The following PLXNC1 variants were observed in gnomAD, a reference collection of about 807,000 sequenced individuals.
PLXNC1 encodes plexin C1.
In PLXNC1, 75 loss-of-function variants were observed where a neutral mutation model predicts 178.2. That is an observed-to-expected ratio of 0.42 (90% CI 0.35 to 0.51). PLXNC1 has a LOEUF of 0.51. Ranked by LOEUF, PLXNC1 falls within the 20% of genes least tolerant of loss-of-function variation. The pLI is 0.02. For synonymous variants in PLXNC1, 790 were observed against 779.9 expected (o/e 1.01, Z -0.22); for missense variants, 1,503 against 1,984.4 (o/e 0.76, Z 4.61).
intron 2 of PLXNC1, among the ~76,000 whole-genome samples, chr12:94,177,513 A>AAG (rs972696544): frequency 5.4e-5 from 7 of 129,412 alleles, no homozygotes; most frequent in Non-Finnish European, 1.2e-4. Context: ...CAAAGAAAGA[A>AAG]AGAGAGAGAG....
At chr12:94,250,750 G>A (rs1418265965) in intron 14 of PLXNC1, among the ~76,000 whole-genome samples, 2 of 152,150 alleles carry the variant, frequency 1.3e-5, no homozygotes, top group Non-Finnish European at 2.9e-5. Flanking sequence ...CAGGTACAGT[G>A]GCTCACACCT....
chr12:94,194,220 G>T lies in PLXNC1; in HGVS notation c.1439+7747G>T, dbSNP rs148481544. 5.9e-5 allele frequency among the ~76,000 whole-genome samples: 9 copies of T among 152,198 alleles called. 1 individual carries two copies. The highest frequency in any genetic ancestry group is 2.2e-4 in the African/African-American group (9 of 41,528). ...TCACGAAAACAGCACTGAGGAAATG[G>T]TGCTAAACCATTCATGAAGGACCCA... On this transcript the variant is annotated intron_variant, in intron 4 of 30. Transcript: ENST00000258526.
chr12:94,206,942 C>T (rs375967395), intron 4 of PLXNC1, among the ~76,000 whole-genome samples: 2 of 152,092 alleles, frequency 1.3e-5, no homozygotes, highest in East Asian at 1.9e-4. Flanking sequence ...CTTGTTGATA[C>T]GCAGGAATTA....
rs1006545544 is a variant in PLXNC1 at position 94,161,333 on chromosome 12, AGGTGGATGAGTGGATGGGTG to A, written c.1063-7796_1063-7777del. Among the ~76,000 whole-genome samples, 6 of 152,094 alleles carry A rather than the reference AGGTGGATGAGTGGATGGGTG, an allele frequency of 3.9e-5. No individual in the cohort carries two copies. The East Asian group carries it at 9.6e-4, about 24-fold the overall frequency. ...CAACAGCAAGTGCTCCATAAATAAT[AGGTGGATGAGTGGATGGGTG>A]GGTGGATGAGTGGATGGGTGGGTAG... On this transcript the variant is annotated intron_variant, in intron 1 of 30. Transcript: ENST00000258526.
intron 18 of PLXNC1, 99 bp from the exon 19 acceptor site, chr12:94,259,511 A>G: frequency 8.6e-7 from 1 of 1,157,168 alleles, no homozygotes; most frequent in Non-Finnish European, 1.2e-6. Flanking sequence ...TCAATATTGA[A>G]TAATTCATTG....
At chr12:94,177,071 GTGTGTGTATA>G (rs1962078741) in intron 2 of PLXNC1, among the ~76,000 whole-genome samples, 1 of 141,458 alleles carries the variant, frequency 7.1e-6, no homozygotes. Flanking sequence ...GTGTGTGTGT[GTGTGTGTATA>G]TATATATGTG....
chr12:94,275,604 A>G (rs1174539826), intron 21 of PLXNC1, among the ~76,000 whole-genome samples: 1 of 86,186 alleles, frequency 1.2e-5, no homozygotes, highest in Non-Finnish European at 2.4e-5. Flanking sequence ...CTGTAATCCC[A>G]GCACTTTGGG....
At chr12:94,179,117 C>A (rs139409943) in intron 2 of PLXNC1, among the ~76,000 whole-genome samples, 1 of 152,150 alleles carries the variant, frequency 6.6e-6, no homozygotes, top group Non-Finnish European at 1.5e-5. Context: ...GAAGTGAATG[C>A]GGGAAGTTGC....
Position 94,204,665 on chromosome 12 carries a change from G to C in PLXNC1, c.1440-4925G>C, listed in dbSNP as rs78150457. ...TAGACTTTGGTTTCCTCATCTCATGGACTGGCAATTGTAAAGAAAGTCCCC... is the reference window on the plus strand; with the variant it reads ...TAGACTTTGGTTTCCTCATCTCATGCACTGGCAATTGTAAAGAAAGTCCCC... On this transcript the variant is annotated intron_variant, in intron 4 of 30. Coordinates refer to ENST00000258526, the MANE Select transcript of PLXNC1 (RefSeq NM_005761.3). Among the ~76,000 whole-genome samples, 622 of 152,252 alleles carry C rather than the reference G, an allele frequency of 4.1e-3. 5 individuals are homozygous for C. Among genetic ancestry groups the C allele is most frequent in the African/African-American group, 0.014 (583 of 41,536 alleles).
chr12:94,150,483 A>G (rs957756890), intron 1 of PLXNC1, among the ~76,000 whole-genome samples: 1 of 152,184 alleles, frequency 6.6e-6, no homozygotes, highest in African/African-American at 2.4e-5. Flanking sequence ...CTCGGCAGAG[A>G]AGCCATTGAA....
chr12:94,224,864 G>A (rs984597312), intron 7 of PLXNC1, among the ~76,000 whole-genome samples: 3 of 152,136 alleles, frequency 2.0e-5, no homozygotes, highest in Admixed American at 6.5e-5. Context: ...CCGGGATGGC[G>A]CCCCGCATTC....
intron 6 of PLXNC1, among the ~76,000 whole-genome samples, chr12:94,220,702 AG>A (rs758643649): frequency 8.5e-5 from 13 of 152,244 alleles, no homozygotes; most frequent in Non-Finnish European, 1.8e-4. Flanking sequence ...GTGTAAATAC[AG>A]GGAACATAGA....
chr12:94,273,393 T>C (rs888693450), intron 21 of PLXNC1, among the ~76,000 whole-genome samples: 1 of 152,102 alleles, frequency 6.6e-6, no homozygotes, highest in African/African-American at 2.4e-5. Context: ...GAGTGAGTGA[T>C]TGAAGCTTCC....
chr12:94,165,705 A>C (rs61927397), intron 1 of PLXNC1, among the ~76,000 whole-genome samples: 18,417 of 152,008 alleles, frequency 0.12, 1,327 homozygotes, highest in Admixed American at 0.14. Flanking sequence ...AACTTAGTAA[A>C]ATGTTTAAAA....
intron 4 of PLXNC1, 86 bp downstream of exon 4, chr12:94,186,559 A>G: frequency 1.2e-6 from 1 of 817,584 alleles, no homozygotes; most frequent in East Asian, 2.6e-5. Flanking sequence ...TTAACGATCC[A>G]TTCCAGTGAC....
chr12:94,208,107 G>A (rs1294487003), intron 4 of PLXNC1, among the ~76,000 whole-genome samples: 1 of 152,154 alleles, frequency 6.6e-6, no homozygotes, highest in Non-Finnish European at 1.5e-5. Context: ...ATTGACAGGC[G>A]GTTTAATTTG....
chr12:94,238,116 ACATCATTCTTTAGGTGATGCAC>A (rs1964290121), intron 10 of PLXNC1, among the ~76,000 whole-genome samples: 2 of 152,150 alleles, frequency 1.3e-5, no homozygotes, highest in African/African-American at 4.8e-5. Context: ...GGAGTAGCAA[ACATCATTCTTTAGGTGATGCAC>A]TTGGAAAAAT....
rs1326722269 is a variant in PLXNC1, at chr12:94,278,088, A to G, written c.3598-1384A>G. The G allele has an allele frequency of 6.6e-6, 3 of 455,594 alleles. No individual in the cohort carries two copies. In the East Asian group the frequency reaches 2.1e-4, roughly 32 times the overall value. 28.2% of individuals were successfully genotyped at this position (455,594 alleles called of 1,614,324 possible). On this transcript the variant is annotated intron_variant, in intron 21 of 30. Transcript: ENST00000258526. ...TCCCTCTGTCTCTGTATGGGCGAGC[A>G]TCTTCCTTCTGTCTTCTCCCTTCCT...
intron 4 of PLXNC1, among the ~76,000 whole-genome samples, chr12:94,197,437 T>TCTCTCTCTCTCTCTCTCTCTC (rs1555198027): frequency 2.7e-5 from 4 of 148,542 alleles, no homozygotes; most frequent in African/African-American, 1.0e-4. Context: ...TTAGGCCCCT[T>TCTCTCTCTCTCTCTCTCTCTC]TCTCTCTCTC....
Sources: gnomAD v4.1 joint callset for allele counts (sites outside exome capture counted in the v4.1 genomes callset) on GRCh38, gnomAD v4.1.1 for gene constraint, MANE v1.5 for transcripts, NCBI Gene and HGNC (gene_info 2026-07-23, HGNC 2026-07-21) for gene names.